Variants in ANKH observed in about 807,000 individuals in gnomAD.
ANKH encodes the protein mineralization regulator ANKH.
In ANKH, 15 loss-of-function variants were observed where a neutral mutation model predicts 49.0. The ratio of observed to expected loss-of-function variants is 0.31; its 90% CI spans 0.20 to 0.47. The LOEUF is 0.47. Ranked by LOEUF, ANKH falls within the 20% of genes least tolerant of loss-of-function variation. ANKH has a pLI of 1.00. For missense variants in ANKH, 429 were observed against 652.0 expected (o/e 0.66, Z 3.72); for synonymous variants, 273 against 260.0 (o/e 1.05, Z -0.48).
At chr5:14,720,931 T>C (rs1737639215) in intron 8 of ANKH, among the ~76,000 whole-genome samples, 2 of 152,256 alleles carry the variant, frequency 1.3e-5, no homozygotes, top group African/African-American at 2.4e-5. Context: ...AATGGGCCTC[T>C]GTGGCAGATG....
At chr5:14,746,865 C>T (rs1738558485) in intron 6 of ANKH, among the ~76,000 whole-genome samples, 1 of 152,200 alleles carries the variant, frequency 6.6e-6, no homozygotes, top group South Asian at 2.1e-4. Flanking sequence ...GGTTTTATTA[C>T]ACCTTAATCA....
rs1737080805 is a variant in ANKH at position 14,709,604 on chromosome 5, C to A, written c.*1593G>T. ...ACAAAGGGCCTGCCTTTTTCTTTCT[C>A]ATTTTTGCCTTTCCAGCTTGCACTT... On this transcript the variant is annotated 3_prime_UTR_variant, in exon 12 of 12. Transcript: ENST00000284268. The A allele has an allele frequency of 6.6e-6, 1 of 152,280 alleles. No individual in the cohort carries two copies. Among genetic ancestry groups the A allele is most frequent in the Non-Finnish European group, 1.5e-5 (1 of 68,032 alleles). 9.4% of individuals were successfully genotyped at this position (152,280 alleles called of 1,614,324 possible). A position where few individuals can be genotyped will look rare whatever the true frequency, so the allele number is the denominator to read the frequency against.
At chr5:14,850,964 G>A (rs1410407511) in intron 1 of ANKH, among the ~76,000 whole-genome samples, 1 of 152,084 alleles carries the variant, frequency 6.6e-6, no homozygotes, top group Non-Finnish European at 1.5e-5. Context: ...TTTAGGAGAG[G>A]GCAGTGGGGG....
At chr5:14,783,592 C>T (rs934218108) in intron 1 of ANKH, among the ~76,000 whole-genome samples, 1 of 152,054 alleles carries the variant, frequency 6.6e-6, no homozygotes, top group African/African-American at 2.4e-5. Context: ...GATCATGGCA[C>T]CCCAAAAATT....
intron 1 of ANKH, among the ~76,000 whole-genome samples, chr5:14,769,930 G>GAGAC (rs978713412): frequency 2.0e-4 from 31 of 152,310 alleles, no homozygotes; most frequent in Admixed American, 5.2e-4. Context: ...TCCTCCAAGA[G>GAGAC]AGACGCTCTT....
intron 6 of ANKH, among the ~76,000 whole-genome samples, chr5:14,746,266 C>A (rs1436947207): frequency 6.6e-6 from 1 of 151,812 alleles, no homozygotes; most frequent in Admixed American, 6.6e-5. Context: ...CAGGTGCAGA[C>A]CACTGGCTGG....
chr5:14,758,383 T>C (rs1738969195), intron 3 of ANKH, 97 bp downstream of exon 3: 1 of 927,756 alleles, frequency 1.1e-6, no homozygotes, highest in Non-Finnish European at 1.7e-6. Context: ...CATTAAGCTG[T>C]ACACACAAAA....
At chr5:14,753,713 G>A (rs1295478605) in intron 4 of ANKH, among the ~76,000 whole-genome samples, 2 of 152,012 alleles carry the variant, frequency 1.3e-5, no homozygotes, top group Admixed American at 1.3e-4. Context: ...AAATAATGAC[G>A]GCAAAGAAAA....
intron 1 of ANKH, among the ~76,000 whole-genome samples, chr5:14,804,181 C>G (rs1199518565): frequency 2.0e-5 from 3 of 152,184 alleles, no homozygotes; most frequent in Admixed American, 6.5e-5. Context: ...TAGATGTGAG[C>G]CACCATGCCC....
At chr5:14,721,984 T>G (rs1737686262) in intron 8 of ANKH, among the ~76,000 whole-genome samples, 1 of 125,282 alleles carries the variant, frequency 8.0e-6, no homozygotes, top group Non-Finnish European at 1.7e-5. Flanking sequence ...AAAGCTACAA[T>G]ACCTATCTGC....
intron 8 of ANKH, among the ~76,000 whole-genome samples, chr5:14,721,805 C>T (rs951961120): frequency 6.6e-6 from 1 of 151,944 alleles, no homozygotes; most frequent in Non-Finnish European, 1.5e-5. Flanking sequence ...TGGCAGGCGC[C>T]TGTAGTCCCA....
intron 8 of ANKH, among the ~76,000 whole-genome samples, chr5:14,735,466 G>A (rs1293985889): frequency 1.3e-5 from 2 of 152,172 alleles, no homozygotes; most frequent in African/African-American, 2.4e-5. Context: ...CTTAAGTGAC[G>A]AGAAGATTCC....
intron 1 of ANKH, among the ~76,000 whole-genome samples, chr5:14,843,588 CAGAA>C (rs1238178133): frequency 7.5e-6 from 1 of 133,420 alleles, no homozygotes; most frequent in Non-Finnish European, 1.6e-5. Flanking sequence ...CTGAAAGTAG[CAGAA>C]AAAGTGAACT....
At chr5:14,806,563 A>G (rs1237994001) in intron 1 of ANKH, among the ~76,000 whole-genome samples, 3 of 152,104 alleles carry the variant, frequency 2.0e-5, no homozygotes, top group African/African-American at 7.2e-5. Context: ...CTGTGGCTGT[A>G]GCTGTGGCAG....
At chr5:14,810,441 G>C (rs1740845122) in intron 1 of ANKH, among the ~76,000 whole-genome samples, 1 of 152,180 alleles carries the variant, frequency 6.6e-6, no homozygotes, top group Non-Finnish European at 1.5e-5. Flanking sequence ...TTACAGGAGT[G>C]AGCCACCGCA....
intron 8 of ANKH, among the ~76,000 whole-genome samples, chr5:14,719,021 G>A (rs1196797738): frequency 1.3e-5 from 2 of 151,812 alleles, no homozygotes; most frequent in East Asian, 2.0e-4. Flanking sequence ...GTTCTGGAAA[G>A]AGGGGACAGC....
At chr5:14,729,019 C>T (rs969346098) in intron 8 of ANKH, among the ~76,000 whole-genome samples, 7 of 152,072 alleles carry the variant, frequency 4.6e-5, no homozygotes, top group African/African-American at 9.7e-5. Flanking sequence ...CTGCAAGGTG[C>T]GTCCAAAACT....
chr5:14,737,387 G>A lies in ANKH; in HGVS notation c.1011+4440C>T, dbSNP rs183807323. On this transcript the variant is annotated intron_variant, in intron 8 of 11. Coordinates refer to ENST00000284268, the MANE Select transcript of ANKH (RefSeq NM_054027.6). This position sits in a 1 kb window ranked among gnomAD's most constrained non-coding sequence, Gnocchi z 5.0. ...TCAGCACTGCAGCTGCCTTCCCCAC[G>A]TAAGAGGAAGGACTGTGGTGCCTGC... Among the ~76,000 whole-genome samples the A allele has an allele frequency of 8.2e-4, 125 of 152,320 alleles. No individual in the cohort carries two copies. Among genetic ancestry groups the A allele is most frequent in the African/African-American group, 2.6e-3 (108 of 41,576 alleles).
rs560094995 is a variant in ANKH at position 14,745,725 on chromosome 5, T to C, written c.915+145A>G. 5.6e-5 allele frequency: 42 copies of C among 745,280 alleles called. No individual in the cohort carries two copies. Among genetic ancestry groups the C allele is most frequent in the South Asian group, 3.4e-4 (23 of 66,724 alleles). 46.2% of individuals were successfully genotyped at this position (745,280 alleles called of 1,614,324 possible). On this transcript the variant is annotated intron_variant, in intron 7 of 11. Coordinates refer to ENST00000284268, the MANE Select transcript of ANKH (RefSeq NM_054027.6). This position sits in a 1 kb window ranked among gnomAD's most constrained non-coding sequence, Gnocchi z 4.7. ...CCCCTGTTATTTTCTGAGGAAAATA[T>C]TCCTTCAATGCCCCCAACGTCACAT...
Sources: gnomAD v4.1 joint callset for allele counts (sites outside exome capture counted in the v4.1 genomes callset) on GRCh38, gnomAD v4.1.1 for gene constraint, Gnocchi (gnomAD v3.1) non-coding constraint, MANE v1.5 for transcripts, NCBI Gene and HGNC (gene_info 2026-07-23, HGNC 2026-07-21) for gene names.